TRDMT1: variants seen among roughly 807,000 people sequenced by gnomAD.
TRDMT1 encodes the protein tRNA (cytosine(38)-C(5))-methyltransferase.
A neutral mutation model predicts 51.2 loss-of-function variants in TRDMT1; 49 were observed. The observed-to-expected ratio is 0.96, with a 90% CI of 0.76 to 1.21. The LOEUF is 1.21. Ranked by LOEUF, TRDMT1 falls within the 50% of genes most tolerant of loss-of-function variation. The pLI is 0.00. For missense variants in TRDMT1, 534 were observed against 462.3 expected, an observed-to-expected ratio of 1.16 and a Z score of -1.42; for synonymous variants, 187 against 164.6, an observed-to-expected ratio of 1.14 and a Z score of -1.04.
Position 17,148,623 on chromosome 10 carries a change from G to A in TRDMT1, c.*417C>T. ...GGAAATTAAGTAAAACATTCAATGG[G>A]CTAGAATTAGAATCATTATTTTAAA... On this transcript the variant is annotated 3_prime_UTR_variant, in exon 11 of 11. Transcript: ENST00000377799. 2 of 967,084 alleles carry A rather than the reference G, an allele frequency of 2.1e-6. No individual in the cohort carries two copies. Among genetic ancestry groups the A allele is most frequent in the Non-Finnish European group, 2.5e-6 (2 of 813,284 alleles). The allele number at this position is 967,084 out of a possible 1,614,324, so 59.9% of individuals were successfully genotyped here.
chr10:17,200,661 C>T, intron 1 of TRDMT1: 1 of 161,294 alleles, frequency 6.2e-6, no homozygotes. Context: ...CAAAATCTGG[C>T]ACAGAATAGG....
Position 17,157,705 on chromosome 10 carries a change from T to C in TRDMT1, c.623A>G (p.Lys208Arg), listed in dbSNP as rs768225331. The C allele has an allele frequency of 6.2e-7, 1 of 1,611,980 alleles. No homozygotes were observed. Among genetic ancestry groups the C allele is most frequent in the South Asian group, 1.1e-5 (1 of 90,792 alleles). Residue 208 changes from lysine (K) to arginine (R), a missense_variant, in exon 8 of 11, where the codon AAG becomes AGG. Coordinates refer to ENST00000377799, the MANE Select transcript of TRDMT1 (RefSeq NM_004412.7). ...AMDVENKIQE[K>R]NVEPNISFDG... ...AAAGCTAATATTTGGTTCAACGTTC[T>C]TTTCTTGAATTTTATTTTCTACATC...
chr10:17,157,151 T>C (rs902011577), intron 8 of TRDMT1, among the ~76,000 whole-genome samples: 5 of 152,168 alleles, frequency 3.3e-5, no homozygotes, highest in Non-Finnish European at 7.4e-5. Flanking sequence ...CAAGTAATAG[T>C]CTACAGAAAC....
At chr10:17,184,428 T>C (rs1843647309) in intron 1 of TRDMT1, among the ~76,000 whole-genome samples, 1 of 150,960 alleles carries the variant, frequency 6.6e-6, no homozygotes, top group African/African-American at 2.4e-5. Flanking sequence ...TATTTTAATA[T>C]TTTATAACAT....
chr10:17,165,308 G>T (rs1245013297), intron 3 of TRDMT1, among the ~76,000 whole-genome samples: 5 of 152,174 alleles, frequency 3.3e-5, no homozygotes, highest in African/African-American at 1.2e-4. Flanking sequence ...GGCAAAACTG[G>T]CTAGCCATAT....
intron 8 of TRDMT1, among the ~76,000 whole-genome samples, chr10:17,155,965 AC>A (rs1839437071): frequency 6.6e-6 from 1 of 152,162 alleles, no homozygotes; most frequent in Non-Finnish European, 1.5e-5. Context: ...CCTAAACAGA[AC>A]CTATTGAACT....
At chr10:17,160,753 G>A (rs1443228863) in intron 5 of TRDMT1, among the ~76,000 whole-genome samples, 4 of 152,150 alleles carry the variant, frequency 2.6e-5, no homozygotes, top group African/African-American at 7.2e-5. Flanking sequence ...TTACAGGCGT[G>A]AGCCACCGCG....
intron 1 of TRDMT1, among the ~76,000 whole-genome samples, chr10:17,188,943 A>G (rs1271381635): frequency 6.6e-6 from 1 of 152,224 alleles, no homozygotes; most frequent in Non-Finnish European, 1.5e-5. Flanking sequence ...AATTACTTCT[A>G]GATCTTTAAA....
intron 1 of TRDMT1, among the ~76,000 whole-genome samples, chr10:17,195,533 C>A (rs1845290623): frequency 6.6e-6 from 1 of 151,972 alleles, no homozygotes; most frequent in Non-Finnish European, 1.5e-5. Flanking sequence ...ATCATTGATA[C>A]CTCACATCTG....
intron 3 of TRDMT1, among the ~76,000 whole-genome samples, chr10:17,167,979 C>G (rs1324056572): frequency 6.6e-6 from 1 of 152,036 alleles, no homozygotes; most frequent in Admixed American, 6.6e-5. Flanking sequence ...GTAGCAACTG[C>G]TATTTCCTTT....
In TRDMT1 at chr10:17,137,564, C is replaced by A. The variant is rs1215540074; in HGVS notation, c.*11476G>T. 6.6e-6 allele frequency: 1 copy of A among 152,196 alleles called. No individual in the cohort carries two copies. Among genetic ancestry groups the A allele is most frequent in the Non-Finnish European group, 1.5e-5 (1 of 68,090 alleles). 9.4% of individuals were successfully genotyped at this position (152,196 alleles called of 1,614,324 possible). ...GTGGTTCCACTGGCCGGGCTCAGTG[C>A]CTCGTACCTGTAATCCCAGCACTTT... On this transcript the variant is annotated 3_prime_UTR_variant, in exon 11 of 11. Coordinates refer to ENST00000377799, the MANE Select transcript of TRDMT1 (RefSeq NM_004412.7).
At chr10:17,173,408 A>G (rs1418843891) in intron 2 of TRDMT1, among the ~76,000 whole-genome samples, 1 of 152,256 alleles carries the variant, frequency 6.6e-6, no homozygotes, top group Non-Finnish European at 1.5e-5. Flanking sequence ...GAATTCCAAA[A>G]CCATCAACAC....
chr10:17,139,052 A>C lies in TRDMT1; in HGVS notation c.*9988T>G. On this transcript the variant is annotated 3_prime_UTR_variant, in exon 11 of 11. Transcript: ENST00000377799. Reference sequence around the variant, plus strand: ...AAAGGCTCCAAAAGCTAGTAAAAAAATCAACAGAGCTTTCTCTACCTCCAA... The same window carrying C: ...AAAGGCTCCAAAAGCTAGTAAAAAACTCAACAGAGCTTTCTCTACCTCCAA... 2.1e-6 allele frequency: 1 copy of C among 486,374 alleles called. No individual in the cohort carries two copies. The highest frequency in any genetic ancestry group is 2.7e-6 in the Non-Finnish European group (1 of 374,028). The allele number at this position is 486,374 out of a possible 1,614,324, so 30.1% of individuals were successfully genotyped here.
In TRDMT1 at chr10:17,143,522, T is replaced by C. The variant is rs146841898; in HGVS notation, c.*5518A>G. ...CACATGTGAAATTTAACTGGACTTGTGTAAGGAACCAGCTAAGTGAGTAAA... is the reference window on the plus strand; with the variant it reads ...CACATGTGAAATTTAACTGGACTTGCGTAAGGAACCAGCTAAGTGAGTAAA... On this transcript the variant is annotated 3_prime_UTR_variant, in exon 11 of 11. Coordinates refer to ENST00000377799, the MANE Select transcript of TRDMT1 (RefSeq NM_004412.7). 36 of 985,334 alleles carry C rather than the reference T, an allele frequency of 3.7e-5. No individual in the cohort carries two copies. The Admixed American group carries it at 6.1e-4, about 17-fold the overall frequency. The allele number at this position is 985,334 out of a possible 1,614,324, so 61.0% of individuals were successfully genotyped here.
chr10:17,171,298 A>C (rs1841967989), intron 2 of TRDMT1, among the ~76,000 whole-genome samples: 1 of 152,098 alleles, frequency 6.6e-6, no homozygotes, highest in South Asian at 2.1e-4. Context: ...GAAACCCTGA[A>C]GACACTGATG....
At position 17,147,939 on chromosome 10, in the gene TRDMT1, A is replaced by C. The variant is rs1838265470; in HGVS notation, c.*1101T>G. The C allele has an allele frequency of 1.0e-6, 1 of 967,006 alleles. No individual in the cohort carries two copies. Among genetic ancestry groups the C allele is most frequent in the African/African-American group, 1.8e-5 (1 of 56,832 alleles). The allele number at this position is 967,006 out of a possible 1,614,324, so 59.9% of individuals were successfully genotyped here. A position where few individuals can be genotyped will look rare whatever the true frequency, so the allele number is the denominator to read the frequency against. ...CATTTTACGTTCCCACAAGCAATGC[A>C]CAAACTTCCAATTTATCCACCTCTA... On this transcript the variant is annotated 3_prime_UTR_variant, in exon 11 of 11. Coordinates refer to ENST00000377799, the MANE Select transcript of TRDMT1 (RefSeq NM_004412.7).
At chr10:17,163,213 G>T (rs988962266) in intron 3 of TRDMT1, among the ~76,000 whole-genome samples, 2 of 152,150 alleles carry the variant, frequency 1.3e-5, no homozygotes, top group Non-Finnish European at 2.9e-5. Flanking sequence ...ACTTGGGCTA[G>T]CAAATAGATC....
intron 2 of TRDMT1, among the ~76,000 whole-genome samples, chr10:17,171,331 T>G (rs1841978110): frequency 6.6e-6 from 1 of 152,188 alleles, no homozygotes; most frequent in South Asian, 2.1e-4. Context: ...TGTGCCATTC[T>G]GACTCAGTCC....
rs763014908 is a variant in TRDMT1 at position 17,154,682 on chromosome 10, C to T, written c.940G>A (p.Val314Met). Residue 314 changes from valine (V) to methionine (M), a missense_variant, in exon 9 of 11, where the codon GTG (valine) becomes ATG (methionine). Coordinates refer to ENST00000377799, the MANE Select transcript of TRDMT1 (RefSeq NM_004412.7). ...CTTTAAAACATGCATAGTACCTGCA[C>T]ATCCTCTGCAGTCTGTAACACAGAC... ...TGSVLQTAED[V>M]QVENIYKSLT... is the part of the protein sequence containing the mutation. 3.1e-6 allele frequency: 5 copies of T among 1,599,136 alleles called. No individual in the cohort carries two copies. In the African/African-American group the frequency reaches 5.4e-5, roughly 17 times the overall value.
Sources: allele counts gnomAD v4.1 joint callset (sites outside exome capture counted in the v4.1 genomes callset), GRCh38; gene constraint gnomAD v4.1.1; transcripts MANE v1.5; gene names NCBI Gene and HGNC (gene_info 2026-07-23, HGNC 2026-07-21).